SMTN: variants seen among roughly 807,000 people sequenced by gnomAD.
SMTN encodes smoothelin.
A neutral mutation model predicts 102.0 loss-of-function variants in SMTN; 58 were observed. The observed-to-expected ratio is 0.57, with a 90% confidence interval of 0.46 to 0.71. The LOEUF (loss-of-function observed/expected upper bound fraction) is 0.71, where lower values mean the gene tolerates loss of function less well. SMTN is among the 30% of genes least tolerant of loss of function. The pLI, the probability that SMTN is intolerant of heterozygous loss-of-function variation, is 0.00. For synonymous variants in SMTN, 478 were observed against 497.9 expected (o/e 0.96, Z 0.53); for missense variants, 1,185 against 1,241.7 (o/e 0.95, Z 0.69).
intron 1 of SMTN, among the ~76,000 whole-genome samples, chr22:31,069,873 C>T (rs912013518): frequency 6.6e-6 from 1 of 152,204 alleles, no homozygotes; most frequent in African/African-American, 2.4e-5. Context: ...TTCATCATCT[C>T]TCTGGGATTC....
intron 2 of SMTN, among the ~76,000 whole-genome samples, chr22:31,086,336 T>C (rs1271622220): frequency 1.3e-5 from 2 of 152,218 alleles, no homozygotes; most frequent in Admixed American, 1.3e-4. Flanking sequence ...CATTTGACCA[T>C]GAGCAAATCA....
chr22:31,096,043 C>A, intron 13 of SMTN: 1 of 267,534 alleles, frequency 3.7e-6, no homozygotes. Flanking sequence ...ACTTCCTCCC[C>A]CAGATAGTTC....
At chr22:31,075,946 C>T (rs778527528) in intron 1 of SMTN, among the ~76,000 whole-genome samples, 17 of 152,330 alleles carry the variant, frequency 1.1e-4, no homozygotes, top group Admixed American at 2.6e-4. Flanking sequence ...TGGGGGACCC[C>T]AGGCCCCAAC....
Position 31,095,732 on chromosome 22 carries a change from C to T in SMTN, c.1861+123C>T. 1 of 795,248 alleles carries T rather than the reference C, an allele frequency of 1.3e-6. No individual in the cohort carries two copies. The highest frequency in any genetic ancestry group is 2.0e-6 in the Non-Finnish European group (1 of 499,178). 49.3% of individuals were successfully genotyped at this position (795,248 alleles called of 1,614,324 possible). ...ACTGCCCTACCCAGCTTCTCCTTCT[C>T]TAGACCCAGCAGTTCCCTTGGCTAT... On this transcript the variant is annotated intron_variant, in intron 13 of 20. Transcript: ENST00000333137. This position sits in a 1 kb window ranked among gnomAD's most constrained non-coding sequence, Gnocchi z 4.1.
rs2043874926 is a variant in SMTN at position 31,099,175 on chromosome 22, A to G, written c.2447A>G (p.Tyr816Cys). 1 of 1,611,090 alleles carries G rather than the reference A, an allele frequency of 6.2e-7. No homozygotes were observed. The highest frequency in any genetic ancestry group is 1.3e-5 in the African/African-American group (1 of 74,904). ...TGGTGTCGAGCCAAGACTCGCGGCT[A>G]CGAGGTGAGCCCCGGGAGGCCAGGG... ...LDWCRAKTRG[Y>C]EHVDIQNFSS... is the part of the protein sequence containing the mutation. Residue 816 changes from tyrosine (Y) to cysteine (C), a missense_variant, in exon 18 of 21, where the codon TAC becomes TGC. Around this residue, in one of 2 missense-constraint regions of SMTN, gnomAD observed 1,096 missense variants for 1,112.7 expected, o/e 0.98. Transcript: ENST00000333137.
At chr22:31,070,926 A>G (rs1258600094) in intron 1 of SMTN, among the ~76,000 whole-genome samples, 1 of 114,914 alleles carries the variant, frequency 8.7e-6, no homozygotes, top group Non-Finnish European at 2.0e-5. Flanking sequence ...TCTGTCTCAA[A>G]AAAAAAAAAA....
chr22:31,072,224 A>G (rs1271936470), intron 1 of SMTN, among the ~76,000 whole-genome samples: 1 of 152,090 alleles, frequency 6.6e-6, no homozygotes, highest in East Asian at 1.9e-4. Context: ...ATCACTCCCA[A>G]CCTTATAAGG....
intron 1 of SMTN, among the ~76,000 whole-genome samples, chr22:31,074,847 A>G (rs545053720): frequency 7.9e-5 from 12 of 152,326 alleles, no homozygotes; most frequent in African/African-American, 2.9e-4. Flanking sequence ...AGGTGCTGGA[A>G]GAGAGGAGTC....
Position 31,070,808 on chromosome 22 carries a change from C to A in SMTN, c.-386+6621C>A, listed in dbSNP as rs543443504. Reference sequence around the variant, plus strand: ...GTGTGGTGGCAGGAGCCTGTAATCCCAGCTACTTGGGAGGCTGAGGCAGGA... The same window carrying A: ...GTGTGGTGGCAGGAGCCTGTAATCCAAGCTACTTGGGAGGCTGAGGCAGGA... On this transcript the variant is annotated intron_variant, in intron 1 of 3. Coordinates refer to the SMTN transcript ENST00000422839. Among the ~76,000 whole-genome samples, 121 of 151,722 alleles carry A rather than the reference C, an allele frequency of 8.0e-4. 2 individuals are homozygous for A. In the South Asian group the frequency reaches 0.022, roughly 28 times the overall value.
chr22:31,079,097 A>G (rs1741960391), upstream of SMTN, among the ~76,000 whole-genome samples: 1 of 152,142 alleles, frequency 6.6e-6, no homozygotes, highest in African/African-American at 2.4e-5. Context: ...GAGTGTACCT[A>G]TCTTGCACAG....
chr22:31,099,079 G>T lies in SMTN; in HGVS notation c.2351G>T (p.Arg784Leu). The T allele has an allele frequency of 6.2e-7, 1 of 1,612,218 alleles. No homozygotes were observed. Residue 784 changes from arginine (R) to leucine (L), a missense_variant, in exon 18 of 21, where the codon CGC becomes CTC. This residue lies in a region of SMTN where 1,096 missense variants were observed against 1,112.7 expected (regional missense o/e 0.98). Transcript: ENST00000333137. ...CCCTACAGCAGCCCTGGCGGACCCC[G>T]CGCAGCCGTGCAGCGATCCACCAGC... ...EGAAGSPGGP[R>L]AAVQRSTSFG...
chr22:31,089,290 C>A (rs1304302115), intron 6 of SMTN, among the ~76,000 whole-genome samples: 1 of 152,174 alleles, frequency 6.6e-6, no homozygotes, highest in African/African-American at 2.4e-5. Context: ...TCAGGCCATG[C>A]AGGTTCCCCA....
intron 17 of SMTN, 58 bp from the exon 18 acceptor site, chr22:31,099,004 G>A: frequency 6.4e-7 from 1 of 1,554,772 alleles, no homozygotes; most frequent in East Asian, 2.2e-5. Flanking sequence ...CACTGGGTGG[G>A]CCCACCGAGG....
Position 31,091,584 on chromosome 22 carries a change from G to A in SMTN, c.1460-91G>A. On this transcript the variant is annotated intron_variant, in intron 10 of 20. Transcript: ENST00000333137. ...GCCAGGACTCAGGGTGTCTCCAAAG[G>A]GTGTGCTGGGAGCGAGGGCATTATC... is the stretch of plus-strand genomic sequence containing the variant. The A allele has an allele frequency of 7.3e-6, 11 of 1,515,142 alleles. 1 individual carries two copies. Among genetic ancestry groups the A allele is most frequent in the South Asian group, 3.9e-5 (3 of 77,848 alleles). 93.9% of individuals were successfully genotyped at this position (1,515,142 alleles called of 1,614,324 possible).
intron 1 of SMTN, among the ~76,000 whole-genome samples, chr22:31,074,660 C>T (rs2042085741): frequency 6.6e-6 from 1 of 151,996 alleles, no homozygotes; most frequent in Non-Finnish European, 1.5e-5. Flanking sequence ...CGTGGTGGTG[C>T]ACACCAGTAA....
chr22:31,072,482 G>A (rs1250011627), intron 1 of SMTN, among the ~76,000 whole-genome samples: 6 of 152,030 alleles, frequency 3.9e-5, no homozygotes, highest in African/African-American at 1.2e-4. Flanking sequence ...CTTTTTTTGA[G>A]ATGGAATTTC....
intron 1 of SMTN, among the ~76,000 whole-genome samples, chr22:31,072,525 G>T (rs1032133607): frequency 2.0e-5 from 3 of 151,570 alleles, no homozygotes; most frequent in African/African-American, 7.3e-5. Context: ...GGCAATGCAC[G>T]ATCTCAGTTC....
chr22:31,086,469 T>C (rs564434812), intron 2 of SMTN, among the ~76,000 whole-genome samples: 1 of 152,300 alleles, frequency 6.6e-6, no homozygotes, highest in African/African-American at 2.4e-5. Flanking sequence ...AGGCTCTCCA[T>C]AAATGTTACT....
upstream of SMTN, chr22:31,080,358 T>G (rs2042244701): frequency 6.6e-6 from 1 of 152,240 alleles, no homozygotes; most frequent in Non-Finnish European, 1.5e-5. Flanking sequence ...AATGGGGCAA[T>G]AGTCATGGTC....
Sources: gnomAD v4.1 joint callset for allele counts (sites outside exome capture counted in the v4.1 genomes callset) on GRCh38, gnomAD v4.1.1 for gene constraint, gnomAD v4.1.1 regional missense constraint, Gnocchi (gnomAD v3.1) non-coding constraint, MANE v1.5 for transcripts, NCBI Gene and HGNC (gene_info 2026-07-23, HGNC 2026-07-21) for gene names.